Variants in PTPRD observed in about 807,000 individuals in gnomAD.
PTPRD encodes the protein protein tyrosine phosphatase receptor type D, also known as receptor-type tyrosine-protein phosphatase delta.
A neutral mutation model predicts 214.5 loss-of-function variants in PTPRD; 34 were observed. The observed-to-expected ratio is 0.16, with a 90% CI of 0.12 to 0.21. The LOEUF is 0.21. Among genes scored for constraint, PTPRD ranks in the 10% least tolerant of loss-of-function variants. The pLI, the probability that PTPRD is intolerant of heterozygous loss-of-function variation, is 1.00. For synonymous variants in PTPRD, 1,128 were observed against 845.7 expected (o/e 1.33, Z -5.79); for missense variants, 2,545 against 2,398.7 (o/e 1.06, Z -1.27).
chr9:9,136,466 G>C (rs531057182), intron 10 of PTPRD, among the ~76,000 whole-genome samples: 9 of 152,116 alleles, frequency 5.9e-5, no homozygotes, highest in Admixed American at 2.0e-4. Context: ...GTAGATAAAA[G>C]TGGTAAAAAA....
rs1563853212 is a variant in PTPRD, at chr9:8,317,886, G to A, written c.5727C>T (p.His1909=). ...AALEYLGSFD[H]YAT ...GGGTCAGGGGTTTCTACGTTGCATA[G>A]TGGTCAAAGCTGCCCAGGTACTCTA... The change falls in exon 46 of 46, where the codon CAC becomes CAT. Residue 1909 remains histidine, a synonymous_variant. Transcript: ENST00000381196. 6.2e-7 allele frequency: 1 copy of A among 1,612,100 alleles called. No homozygotes were observed. Among genetic ancestry groups the A allele is most frequent in the Non-Finnish European group, 8.5e-7 (1 of 1,178,726 alleles).
At chr9:8,986,083 T>A (rs1381250978) in intron 11 of PTPRD, among the ~76,000 whole-genome samples, 1 of 152,078 alleles carries the variant, frequency 6.6e-6, no homozygotes, top group East Asian at 1.9e-4. Flanking sequence ...CCTTGATAAT[T>A]CAGTTATGCA....
intron 3 of PTPRD, among the ~76,000 whole-genome samples, chr9:10,095,142 T>C (rs1300075769): frequency 6.6e-6 from 1 of 151,482 alleles, no homozygotes; most frequent in African/African-American, 2.4e-5. Flanking sequence ...AAAAATCCTG[T>C]ATATATGAAG....
chr9:10,476,037 G>A (rs1005198712), intron 2 of PTPRD, among the ~76,000 whole-genome samples: 1 of 152,012 alleles, frequency 6.6e-6, no homozygotes, highest in African/African-American at 2.4e-5. Context: ...TACTGAATGG[G>A]GAAAAGCTGG....
At chr9:8,919,391 CA>C (rs5896280) in intron 11 of PTPRD, among the ~76,000 whole-genome samples, 176 of 133,942 alleles carry the variant, frequency 1.3e-3, no homozygotes, top group Non-Finnish European at 1.8e-3. Flanking sequence ...GACCCTGTCT[CA>C]AAAAAAAAAA....
At chr9:9,806,979 G>A (rs979157548) in intron 5 of PTPRD, among the ~76,000 whole-genome samples, 1 of 152,084 alleles carries the variant, frequency 6.6e-6, no homozygotes, top group African/African-American at 2.4e-5. Flanking sequence ...GAAAAGAAAT[G>A]CAAACCTCAG....
chr9:10,278,513 TA>T (rs1237334506), intron 3 of PTPRD, among the ~76,000 whole-genome samples: 9 of 152,128 alleles, frequency 5.9e-5, no homozygotes, highest in Non-Finnish European at 1.3e-4. Context: ...AGATTCTAAG[TA>T]AGATTCCACT....
At chr9:9,872,945 A>G (rs1394285956) in intron 5 of PTPRD, among the ~76,000 whole-genome samples, 1 of 152,128 alleles carries the variant, frequency 6.6e-6, no homozygotes, top group Non-Finnish European at 1.5e-5. Context: ...CTTGATAAAC[A>G]TTGGCCAAAT....
intron 12 of PTPRD, among the ~76,000 whole-genome samples, chr9:8,723,930 G>C (rs761348276): frequency 1.2e-4 from 18 of 152,172 alleles, no homozygotes; most frequent in Non-Finnish European, 2.1e-4. Flanking sequence ...TTTAATAACT[G>C]TAGTTACTGT....
chr9:9,479,762 A>AAAAC (rs2095319944), intron 8 of PTPRD, among the ~76,000 whole-genome samples: 1 of 152,000 alleles, frequency 6.6e-6, no homozygotes, highest in Non-Finnish European at 1.5e-5. Flanking sequence ...AAAACAAAAA[A>AAAAC]CTCTTAAATT....
intron 7 of PTPRD, among the ~76,000 whole-genome samples, chr9:9,733,019 G>C (rs912109461): frequency 2.0e-5 from 3 of 151,998 alleles, no homozygotes; most frequent in Admixed American, 6.6e-5. Context: ...TATTTGTTTG[G>C]TAGAAATTTC....
At chr9:9,545,669 T>C (rs79725490) in intron 8 of PTPRD, among the ~76,000 whole-genome samples, 4,786 of 151,992 alleles carry the variant, frequency 0.031, 255 homozygotes, top group African/African-American at 0.11. Context: ...CACTGATCTG[T>C]ACATCTGTTC....
chr9:10,138,284 C>G (rs940455113), intron 3 of PTPRD, among the ~76,000 whole-genome samples: 3 of 151,988 alleles, frequency 2.0e-5, no homozygotes, highest in African/African-American at 7.2e-5. Context: ...AGTAGGAAAT[C>G]CAGAGGACAT....
At chr9:10,156,144 C>G (rs1270914803) in intron 3 of PTPRD, among the ~76,000 whole-genome samples, 1 of 147,206 alleles carries the variant, frequency 6.8e-6, no homozygotes, top group Non-Finnish European at 1.5e-5. Context: ...TTTGGTTCAG[C>G]TCTAATTTTG....
rs749166842 is a variant in PTPRD, at chr9:8,499,605, CTTA to C, written c.2322+39_2322+41del. The C allele has an allele frequency of 1.4e-5, 22 of 1,565,014 alleles. 1 individual carries two copies. The Admixed American group carries it at 4.6e-4, about 32-fold the overall frequency. On this transcript the variant is annotated intron_variant, in intron 25 of 45. Transcript: ENST00000381196. The stretch of plus-strand genomic sequence containing the variant: ...ATTTCAGGATATGAACTAAGATAAA[CTTA>C]TTATATAAAAACAGAGGTACATAAT...
At chr9:8,699,606 T>G (rs1227675358) in intron 12 of PTPRD, among the ~76,000 whole-genome samples, 1 of 152,186 alleles carries the variant, frequency 6.6e-6, no homozygotes, top group Non-Finnish European at 1.5e-5. Flanking sequence ...GTGATTCTAC[T>G]TGGTTGGGCC....
chr9:8,552,320 G>C (rs2082349021), intron 14 of PTPRD, among the ~76,000 whole-genome samples: 2 of 152,198 alleles, frequency 1.3e-5, no homozygotes, highest in East Asian at 3.9e-4. Context: ...TGTCAAAAAG[G>C]GAAAGTATTA....
At position 9,951,072 on chromosome 9, in the gene PTPRD, C is replaced by A. The variant is rs549835663; in HGVS notation, c.-471-12462G>T. ...GATAATCCATGGCATGTAAATGCGT[C>A]ATAAGTACCAGGAATTTTCACCTCA... is the stretch of plus-strand genomic sequence containing the variant. On this transcript the variant is annotated intron_variant, in intron 4 of 45. Transcript: ENST00000381196. 7.2e-5 allele frequency among the ~76,000 whole-genome samples: 11 copies of A among 152,182 alleles called. No individual in the cohort carries two copies. The South Asian group carries it at 2.1e-3, about 29-fold the overall frequency.
intron 10 of PTPRD, among the ~76,000 whole-genome samples, chr9:9,096,217 A>T (rs961637492): frequency 2.6e-5 from 4 of 152,190 alleles, no homozygotes; most frequent in Non-Finnish European, 1.5e-5. Flanking sequence ...AAATGAGTAG[A>T]TTTTAGCCAC....
Sources: allele counts gnomAD v4.1 joint callset (sites outside exome capture counted in the v4.1 genomes callset), GRCh38; gene constraint gnomAD v4.1.1; transcripts MANE v1.5; gene names NCBI Gene and HGNC (gene_info 2026-07-23, HGNC 2026-07-21).